CNTNAP5: variants seen among roughly 807,000 people sequenced by gnomAD.
CNTNAP5 encodes the protein contactin-associated protein-like 5.
Under a neutral mutation model 150.2 loss-of-function variants are expected in CNTNAP5, and 72 were observed. That is an observed-to-expected ratio of 0.48 (90% CI 0.40 to 0.58). CNTNAP5 has a LOEUF of 0.58. CNTNAP5 is among the 20% of genes least tolerant of loss of function. CNTNAP5 has a pLI of 0.00. For missense variants in CNTNAP5, 1,636 were observed against 1,626.2 expected, an observed-to-expected ratio of 1.01 and a Z score of -0.10; for synonymous variants, 672 against 619.8, an observed-to-expected ratio of 1.08 and a Z score of -1.25.
At chr2:124,664,325 G>GAAAAAA (rs34108388) in intron 13 of CNTNAP5, among the ~76,000 whole-genome samples, 2 of 106,176 alleles carry the variant, frequency 1.9e-5, no homozygotes, top group Non-Finnish European at 3.7e-5. Flanking sequence ...CCTGTCTCAA[G>GAAAAAA]AAAAAAAAAA....
At chr2:124,656,546 G>A (rs930301723) in intron 13 of CNTNAP5, among the ~76,000 whole-genome samples, 1 of 152,192 alleles carries the variant, frequency 6.6e-6, no homozygotes. Flanking sequence ...AAAATTAGAA[G>A]TGGGTGGGTC....
chr2:124,522,857 C>T (rs745667030), intron 8 of CNTNAP5, among the ~76,000 whole-genome samples: 1 of 152,182 alleles, frequency 6.6e-6, no homozygotes, highest in African/African-American at 2.4e-5. Flanking sequence ...CCACGACTCC[C>T]CTTAACTGTC....
chr2:124,109,377 T>G (rs570372960), intron 1 of CNTNAP5, among the ~76,000 whole-genome samples: 2 of 151,968 alleles, frequency 1.3e-5, no homozygotes, highest in Non-Finnish European at 2.9e-5. Flanking sequence ...ACAGGTAGAG[T>G]TGGGGATGGT....
intron 1 of CNTNAP5, among the ~76,000 whole-genome samples, chr2:124,050,430 C>T (rs1681666248): frequency 6.6e-6 from 1 of 151,830 alleles, no homozygotes; most frequent in South Asian, 2.1e-4. Flanking sequence ...CAACAGTGCA[C>T]TACAGCCTGG....
At position 124,285,272 on chromosome 2, in the gene CNTNAP5, T is replaced by A. The variant is rs527665986; in HGVS notation, c.381+42879T>A. ...AATAACTTTCATGAGCTAACACCAC[T>A]TTGATAGCTTTCCCTCCCTTTCTAC... On this transcript the variant is annotated intron_variant, in intron 3 of 23. Coordinates refer to ENST00000682447, the MANE Select transcript of CNTNAP5 (RefSeq NM_001367498.1). Among the ~76,000 whole-genome samples the A allele has an allele frequency of 5.9e-5, 9 of 152,228 alleles. No individual in the cohort carries two copies. The South Asian group carries it at 1.9e-3, about 32-fold the overall frequency.
intron 2 of CNTNAP5, among the ~76,000 whole-genome samples, chr2:124,226,976 C>T (rs1264852966): frequency 2.0e-5 from 3 of 152,106 alleles, no homozygotes; most frequent in Non-Finnish European, 4.4e-5. Context: ...TTAATCTATT[C>T]ATGAGGTCAG....
At chr2:124,394,850 G>C (rs2247990) in intron 3 of CNTNAP5, among the ~76,000 whole-genome samples, 23,834 of 152,066 alleles carry the variant, frequency 0.16, 1,925 homozygotes, top group East Asian at 0.27. Flanking sequence ...TGCCCACCAG[G>C]GAATCTTGTG....
chr2:124,047,127 AC>A (rs1414512966), intron 1 of CNTNAP5, among the ~76,000 whole-genome samples: 1 of 152,166 alleles, frequency 6.6e-6, no homozygotes. Flanking sequence ...TTTATCCAAC[AC>A]TTACTACAGA....
chr2:124,178,242 T>C (rs183940479), intron 1 of CNTNAP5, among the ~76,000 whole-genome samples: 8 of 152,320 alleles, frequency 5.3e-5, no homozygotes, highest in Non-Finnish European at 8.8e-5. Flanking sequence ...TTCTCAGTGA[T>C]GTATTTCTTT....
intron 12 of CNTNAP5, among the ~76,000 whole-genome samples, chr2:124,616,821 A>G (rs562313553): frequency 8.6e-4 from 131 of 152,228 alleles, no homozygotes; most frequent in African/African-American, 2.9e-3. Context: ...GGGAGGCCTA[A>G]GGAGAAGGAA....
intron 12 of CNTNAP5, among the ~76,000 whole-genome samples, chr2:124,618,859 G>A (rs1677544366): frequency 6.6e-6 from 1 of 152,152 alleles, no homozygotes; most frequent in African/African-American, 2.4e-5. Flanking sequence ...AATAAATGAA[G>A]CGTAGACTTG....
At chr2:124,643,735 C>A (rs879589881) in intron 12 of CNTNAP5, among the ~76,000 whole-genome samples, 1 of 152,140 alleles carries the variant, frequency 6.6e-6, no homozygotes, top group Non-Finnish European at 1.5e-5. Flanking sequence ...TCTATGGATG[C>A]AAAGATTGGT....
intron 14 of CNTNAP5, among the ~76,000 whole-genome samples, chr2:124,752,760 A>G (rs866280109): frequency 2.0e-5 from 3 of 152,190 alleles, no homozygotes; most frequent in Non-Finnish European, 2.9e-5. Flanking sequence ...CAGCTACTTT[A>G]TAGTGCTGGC....
intron 13 of CNTNAP5, among the ~76,000 whole-genome samples, chr2:124,648,494 G>A (rs1678253381): frequency 6.6e-6 from 1 of 152,226 alleles, no homozygotes; most frequent in Non-Finnish European, 1.5e-5. Context: ...AGAAATAGGG[G>A]CTTTAGGGGA....
chr2:124,671,931 T>C (rs1678832264), intron 13 of CNTNAP5, among the ~76,000 whole-genome samples: 1 of 152,154 alleles, frequency 6.6e-6, no homozygotes, highest in East Asian at 1.9e-4. Flanking sequence ...TGAGCCACCA[T>C]ACCTCGCCAA....
At chr2:124,107,507 GT>G (rs1573758217) in intron 1 of CNTNAP5, among the ~76,000 whole-genome samples, 1 of 152,160 alleles carries the variant, frequency 6.6e-6, no homozygotes, top group African/African-American at 2.4e-5. Flanking sequence ...ACAGTATAGA[GT>G]TTAGATTTGA....
intron 1 of CNTNAP5, among the ~76,000 whole-genome samples, chr2:124,160,238 C>T (rs1684643640): frequency 6.6e-6 from 1 of 152,080 alleles, no homozygotes; most frequent in Non-Finnish European, 1.5e-5. Context: ...TAGGAGAAGA[C>T]CAAGGTCAGG....
At chr2:124,403,070 C>T (rs1320711982) in intron 3 of CNTNAP5, among the ~76,000 whole-genome samples, 2 of 152,182 alleles carry the variant, frequency 1.3e-5, no homozygotes, top group Non-Finnish European at 2.9e-5. Flanking sequence ...GAAAAGAAAA[C>T]CAATCATTTC....
At chr2:124,849,716 G>A (rs936288749) in intron 19 of CNTNAP5, among the ~76,000 whole-genome samples, 9 of 152,078 alleles carry the variant, frequency 5.9e-5, no homozygotes, top group African/African-American at 1.9e-4. Context: ...TCTTTCATCA[G>A]CGTCATACAC....
Sources: allele counts gnomAD v4.1 joint callset (sites outside exome capture counted in the v4.1 genomes callset), GRCh38; gene constraint gnomAD v4.1.1; transcripts MANE v1.5; gene names NCBI Gene and HGNC (gene_info 2026-07-23, HGNC 2026-07-21).